Variants in HEATR4 observed in about 807,000 individuals in gnomAD.
HEATR4 encodes HEAT repeat-containing protein 4.
Under a neutral mutation model 108.8 loss-of-function variants are expected in HEATR4, and 95 were observed. The ratio of observed to expected loss-of-function variants is 0.87; its 90% CI spans 0.74 to 1.04. The LOEUF is 1.04. HEATR4 is among the 50% of genes least tolerant of loss of function. The probability of loss-of-function intolerance (pLI) is 0.00; values close to 1 mark genes in which losing one functional copy is unlikely to be tolerated. For synonymous variants in HEATR4, 443 were observed against 459.4 expected (o/e 0.96, Z 0.46); for missense variants, 1,152 against 1,253.8 (o/e 0.92, Z 1.23).
At chr14:73,597,331 G>A in the HEATR4 span, among the ~76,000 whole-genome samples, 1 of 151,976 alleles carries the variant, frequency 6.6e-6, no homozygotes, top group African/African-American at 2.4e-5. Context: ...TGATCCACCC[G>A]CCTCGGCCTC....
At chr14:73,573,664 G>A in the HEATR4 span, 2 of 1,559,324 alleles carry the variant, frequency 1.3e-6, no homozygotes, top group Middle Eastern at 1.7e-4. Flanking sequence ...TTTCACAGAA[G>A]TTAGCTCATT....
the HEATR4 span, among the ~76,000 whole-genome samples, chr14:73,598,389 C>CA: frequency 0.016 from 1,692 of 103,262 alleles, 32 homozygotes; most frequent in African/African-American, 0.049. Context: ...GACTCCGTCT[C>CA]AAAAAAAAAA....
chr14:73,502,539 C>T (rs1270658913), intron 11 of HEATR4, among the ~76,000 whole-genome samples: 3 of 151,870 alleles, frequency 2.0e-5, no homozygotes, highest in Non-Finnish European at 2.9e-5. Flanking sequence ...TGGCTGGATC[C>T]CAGGCCTCCT....
chr14:73,585,703 TA>T, the HEATR4 span, among the ~76,000 whole-genome samples: 41 of 99,740 alleles, frequency 4.1e-4, no homozygotes, highest in South Asian at 8.1e-4. Context: ...AAAATTAAAA[TA>T]AAAAAGTACT....
the HEATR4 span, among the ~76,000 whole-genome samples, chr14:73,580,386 G>A: frequency 6.6e-6 from 1 of 152,138 alleles, no homozygotes; most frequent in Non-Finnish European, 1.5e-5. Context: ...TCAGTAGAAC[G>A]GTGCAGCTGC....
At position 73,520,847 on chromosome 14, in the gene HEATR4, A is replaced by G. The variant is rs757887660; in HGVS notation, c.1069+5T>C. The G allele has an allele frequency of 8.1e-6, 13 of 1,612,688 alleles. No homozygotes were observed. The highest frequency in any genetic ancestry group is 4.0e-5 in the African/African-American group (3 of 74,950). On this transcript the variant is annotated splice_donor_5th_base_variant and intron_variant, in intron 4 of 17. Coordinates refer to ENST00000553558, the MANE Select transcript of HEATR4 (RefSeq NM_001220484.1). ...GCCCCTACCACAGGGGCCCAGCTCT[A>G]TTACCAAAGTAAATCTCCTGTTCAA...
At chr14:73,494,233 T>G (rs942137374) in intron 16 of HEATR4, among the ~76,000 whole-genome samples, 1 of 152,212 alleles carries the variant, frequency 6.6e-6, no homozygotes, top group Non-Finnish European at 1.5e-5. Flanking sequence ...GAAAGAGCAC[T>G]GGACTTGGAA....
At chr14:73,620,463 AC>A in the HEATR4 span, among the ~76,000 whole-genome samples, 1 of 151,908 alleles carries the variant, frequency 6.6e-6, no homozygotes, top group Non-Finnish European at 1.5e-5. Context: ...CTGAGGACTG[AC>A]CTTTGGTATT....
chr14:73,585,077 G>C, the HEATR4 span, among the ~76,000 whole-genome samples: 1 of 151,756 alleles, frequency 6.6e-6, no homozygotes, highest in Admixed American at 6.6e-5. Flanking sequence ...AGGCCTGTCT[G>C]TGTGGGCAGC....
At chr14:73,504,673 G>T (rs747883580) in intron 10 of HEATR4, among the ~76,000 whole-genome samples, 44 of 152,194 alleles carry the variant, frequency 2.9e-4, no homozygotes, top group Admixed American at 2.0e-3. Flanking sequence ...TTACTGTACT[G>T]AGTGGCCAGA....
At chr14:73,590,731 G>C in the HEATR4 span, among the ~76,000 whole-genome samples, 2 of 151,764 alleles carry the variant, frequency 1.3e-5, no homozygotes, top group Non-Finnish European at 2.9e-5. Context: ...CGCTCCAAGT[G>C]CGGGGCCGCC....
the HEATR4 span, chr14:73,569,617 G>C: frequency 6.2e-7 from 1 of 1,600,252 alleles, no homozygotes; most frequent in East Asian, 2.2e-5. Flanking sequence ...GACCTGGAGC[G>C]CGCGCCCGCG....
chr14:73,527,961 CAAAAAAAAAAAAAA>C (rs34109465), intron 2 of HEATR4, among the ~76,000 whole-genome samples: 2 of 52,694 alleles, frequency 3.8e-5, no homozygotes, highest in East Asian at 1.2e-3. Flanking sequence ...AACTCCATCT[CAAAAAAAAAAAAAA>C]AAAAAAAAAA....
the HEATR4 span, among the ~76,000 whole-genome samples, chr14:73,620,770 G>C: frequency 6.6e-6 from 1 of 151,634 alleles, no homozygotes; most frequent in South Asian, 2.1e-4. Context: ...GTTTCACCAT[G>C]TTGGCCAGGC....
At chr14:73,484,738 C>A (rs1595075696) in intron 17 of HEATR4, among the ~76,000 whole-genome samples, 1 of 151,590 alleles carries the variant, frequency 6.6e-6, no homozygotes, top group South Asian at 2.1e-4. Flanking sequence ...ACAAATAATC[C>A]CATTGCCCAG....
the HEATR4 span, among the ~76,000 whole-genome samples, chr14:73,620,531 A>C: frequency 0.58 from 88,313 of 151,654 alleles, 27,114 homozygotes; most frequent in East Asian, 0.9. Flanking sequence ...GTCTTGGGAA[A>C]CTGCCCACTC....
In HEATR4 at chr14:73,495,429, C is replaced by A. The variant is rs1179076135; in HGVS notation, c.2626-42G>T. On this transcript the variant is annotated intron_variant, in intron 15 of 17. Coordinates refer to ENST00000553558, the MANE Select transcript of HEATR4 (RefSeq NM_001220484.1). ...AATGTTTGAAAAACAAAACAAAACA[C>A]CTGTACTAGGCAGCAAATTATCAAA... 2.6e-6 allele frequency: 4 copies of A among 1,524,460 alleles called. No homozygotes were observed. In the African/African-American group the frequency reaches 4.1e-5, roughly 16 times the overall value. 94.4% of individuals were successfully genotyped at this position (1,524,460 alleles called of 1,614,324 possible).
At chr14:73,565,388 C>CTT in the HEATR4 span, among the ~76,000 whole-genome samples, 51 of 139,750 alleles carry the variant, frequency 3.6e-4, no homozygotes, top group Non-Finnish European at 5.0e-4. Flanking sequence ...TTTTCTTTTC[C>CTT]TTTTTTTTTT....
chr14:73,501,809 A>AGT (rs765910633), intron 11 of HEATR4, among the ~76,000 whole-genome samples: 2 of 151,696 alleles, frequency 1.3e-5, no homozygotes, highest in African/African-American at 4.8e-5. Context: ...GCTGGAGTAC[A>AGT]GTGGCGTGAT....
Sources: allele counts gnomAD v4.1 joint callset (sites outside exome capture counted in the v4.1 genomes callset), GRCh38; gene constraint gnomAD v4.1.1; transcripts MANE v1.5; gene names NCBI Gene and HGNC (gene_info 2026-07-23, HGNC 2026-07-21).